The following CUL2 variants were observed in gnomAD, a reference collection of about 807,000 sequenced individuals.
CUL2 encodes the protein cullin 2.
A neutral mutation model predicts 110.2 loss-of-function variants in CUL2; 22 were observed. That is an observed-to-expected ratio of 0.20 (90% CI 0.14 to 0.28). CUL2 has a LOEUF of 0.28. Among genes scored for constraint, CUL2 ranks in the 10% least tolerant of loss-of-function variants. The pLI, the probability that CUL2 is intolerant of heterozygous loss-of-function variation, is 1.00. For missense variants in CUL2, 631 were observed against 905.5 expected (o/e 0.70, Z 3.89); for synonymous variants, 279 against 293.2 (o/e 0.95, Z 0.49).
chr10:35,014,867 C>T (rs1482730283), intron 18 of CUL2, among the ~76,000 whole-genome samples: 1 of 152,046 alleles, frequency 6.6e-6, no homozygotes, highest in Non-Finnish European at 1.5e-5. Context: ...ATTTAAAGTG[C>T]AAACAAGGAA....
At chr10:35,045,146 T>C (rs2085901258) in intron 6 of CUL2, among the ~76,000 whole-genome samples, 1 of 152,198 alleles carries the variant, frequency 6.6e-6, no homozygotes, top group African/African-American at 2.4e-5. Flanking sequence ...AGATAACACT[T>C]CTTTAATTTT....
chr10:35,016,117 T>G, intron 18 of CUL2, 75 bp downstream of exon 18: 2 of 1,254,560 alleles, frequency 1.6e-6, no homozygotes, highest in Non-Finnish European at 1.1e-6. Flanking sequence ...ACAGCCTTAT[T>G]TTAAAACTGC....
intron 4 of CUL2, among the ~76,000 whole-genome samples, chr10:35,056,357 A>T (rs1382994976): frequency 6.6e-6 from 1 of 152,248 alleles, no homozygotes; most frequent in African/African-American, 2.4e-5. Context: ...AGTAATCACT[A>T]ACATTTATTG....
chr10:35,053,397 A>G (rs2086161906), intron 5 of CUL2, among the ~76,000 whole-genome samples: 1 of 152,296 alleles, frequency 6.6e-6, no homozygotes, highest in African/African-American at 2.4e-5. Context: ...CCTTTGTTAA[A>G]GTTTCTATGA....
chr10:35,050,253 G>A (rs182368888), intron 5 of CUL2, among the ~76,000 whole-genome samples: 64 of 152,084 alleles, frequency 4.2e-4, no homozygotes, highest in African/African-American at 1.5e-3. Flanking sequence ...CCTGGGAGGT[G>A]GAGGTTGCAG....
At chr10:35,016,934 A>C (rs1192326726) in intron 17 of CUL2, among the ~76,000 whole-genome samples, 4 of 151,366 alleles carry the variant, frequency 2.6e-5, no homozygotes, top group African/African-American at 7.3e-5. Flanking sequence ...CTCAAAAAAA[A>C]AAAAAAAACA....
chr10:35,015,778 TAC>T (rs1473283176), intron 18 of CUL2, among the ~76,000 whole-genome samples: 1 of 152,188 alleles, frequency 6.6e-6, no homozygotes, highest in Non-Finnish European at 1.5e-5. Flanking sequence ...GGAATGGAGT[TAC>T]ACATATTAAA....
At chr10:35,030,851 G>C (rs1387751012) in intron 14 of CUL2, among the ~76,000 whole-genome samples, 1 of 151,886 alleles carries the variant, frequency 6.6e-6, no homozygotes, top group Non-Finnish European at 1.5e-5. Context: ...AACATAGTGA[G>C]ACCCTATCTC....
chr10:35,081,571 G>C (rs2086948255), intron 1 of CUL2, among the ~76,000 whole-genome samples: 1 of 152,108 alleles, frequency 6.6e-6, no homozygotes, highest in Admixed American at 6.5e-5. Context: ...GAACCAACCA[G>C]CCTTTACACA....
Position 35,009,200 on chromosome 10 carries a change from A to ATT in CUL2, c.*1109_*1110dup, listed in dbSNP as rs1426333437. ...GCTGTTGAGATATATATATATATAT[A>ATT]TTATATATATATATATATATAAAAT... On this transcript the variant is annotated 3_prime_UTR_variant, in exon 21 of 21. Coordinates refer to ENST00000374749, the MANE Select transcript of CUL2 (RefSeq NM_003591.4). The ATT allele has an allele frequency of 1.0e-3, 75 of 71,464 alleles. No homozygotes were observed. The highest frequency in any genetic ancestry group is 2.4e-3 in the African/African-American group (49 of 20,532). 4.4% of individuals were successfully genotyped at this position (71,464 alleles called of 1,614,324 possible). A position where few individuals can be genotyped will look rare whatever the true frequency, so the allele number is the denominator to read the frequency against.
At chr10:35,035,391 C>T in intron 9 of CUL2, 95 bp from the exon 10 acceptor site, 1 of 1,374,904 alleles carries the variant, frequency 7.3e-7, no homozygotes, top group Admixed American at 1.9e-5. Context: ...TATACGGATC[C>T]AAGTGCAGAG....
chr10:35,088,381 G>T (rs1394988233), intron 1 of CUL2, among the ~76,000 whole-genome samples: 1 of 151,372 alleles, frequency 6.6e-6, no homozygotes, highest in African/African-American at 2.4e-5. Flanking sequence ...GGTGACGTGC[G>T]CCTGTAGTGC....
At chr10:35,026,605 A>T (rs1442056290) in intron 16 of CUL2, among the ~76,000 whole-genome samples, 2 of 152,186 alleles carry the variant, frequency 1.3e-5, no homozygotes, top group African/African-American at 2.4e-5. Context: ...CGATAATATC[A>T]ATATGCCAAA....
chr10:35,072,130 G>A (rs751235123), intron 1 of CUL2, among the ~76,000 whole-genome samples: 4 of 152,058 alleles, frequency 2.6e-5, no homozygotes, highest in Non-Finnish European at 5.9e-5. Flanking sequence ...CCTTCCTGGA[G>A]CATCAGTATA....
intron 19 of CUL2, 108 bp downstream of exon 19, chr10:35,013,591 T>C: frequency 1.5e-6 from 1 of 664,278 alleles, no homozygotes. Flanking sequence ...CATATCCCAT[T>C]ATTAATTTTG....
chr10:35,049,615 A>C, intron 6 of CUL2, 68 bp downstream of exon 6: 1 of 1,307,020 alleles, frequency 7.7e-7, no homozygotes, highest in Non-Finnish European at 1.1e-6. Flanking sequence ...CTGCAATTGT[A>C]CACTATTTTA....
At chr10:35,042,181 CT>C (rs937482904) in intron 8 of CUL2, among the ~76,000 whole-genome samples, 45 of 152,274 alleles carry the variant, frequency 3.0e-4, no homozygotes, top group African/African-American at 1.0e-3. Context: ...TCCTCCTCCC[CT>C]GATAACCTCT....
intron 1 of CUL2, among the ~76,000 whole-genome samples, chr10:35,102,954 A>G (rs1347215301): frequency 1.3e-5 from 2 of 152,120 alleles, no homozygotes; most frequent in African/African-American, 2.4e-5. Flanking sequence ...CAATACTCCA[A>G]TTATTAAAAT....
chr10:35,038,525 CAAAAAAA>C (rs61022194), intron 9 of CUL2, among the ~76,000 whole-genome samples: 3 of 65,508 alleles, frequency 4.6e-5, no homozygotes, highest in Admixed American at 2.5e-4. Context: ...GACTCTGTCT[CAAAAAAA>C]AAAAAAAAAA....
Sources: gnomAD v4.1 joint callset for allele counts (sites outside exome capture counted in the v4.1 genomes callset) on GRCh38, gnomAD v4.1.1 for gene constraint, MANE v1.5 for transcripts, NCBI Gene and HGNC (gene_info 2026-07-23, HGNC 2026-07-21) for gene names.